SVIL: variants seen among roughly 807,000 people sequenced by gnomAD.
The protein encoded by SVIL is archvillin.
A neutral mutation model predicts 240.4 loss-of-function variants in SVIL; 101 were observed. The ratio of observed to expected loss-of-function variants is 0.42; its 90% CI spans 0.36 to 0.50. The LOEUF (loss-of-function observed/expected upper bound fraction) is 0.50, where lower values mean the gene tolerates loss of function less well. Ranked by LOEUF, SVIL falls within the 20% of genes least tolerant of loss-of-function variation. SVIL has a pLI of 0.01. For synonymous variants in SVIL, 999 were observed against 1,100.0 expected (o/e 0.91, Z 1.82); for missense variants, 2,512 against 2,818.7 (o/e 0.89, Z 2.46).
chr10:29,710,155 G>T (rs1963178307), intron 1 of SVIL, among the ~76,000 whole-genome samples: 1 of 151,736 alleles, frequency 6.6e-6, no homozygotes, highest in African/African-American at 2.4e-5. Flanking sequence ...CTGAGCTCAA[G>T]CAATCCTCCC....
At chr10:29,494,318 A>AT (rs1317464370) in intron 20 of SVIL, among the ~76,000 whole-genome samples, 3 of 152,198 alleles carry the variant, frequency 2.0e-5, no homozygotes, top group African/African-American at 7.2e-5. Context: ...CAGTTATTAT[A>AT]TTACACTTTT....
At chr10:29,479,878 G>T (rs1946638906) in intron 29 of SVIL, among the ~76,000 whole-genome samples, 1 of 152,142 alleles carries the variant, frequency 6.6e-6, no homozygotes, top group South Asian at 2.1e-4. Flanking sequence ...TGTGGAAAAG[G>T]CTCCTCCTTG....
At chr10:29,673,566 C>T (rs2133063217) in intron 2 of SVIL, among the ~76,000 whole-genome samples, 1 of 142,054 alleles carries the variant, frequency 7.0e-6, no homozygotes, top group African/African-American at 2.7e-5. Context: ...GCACGTCTTA[C>T]ATGGCATTAG....
intron 1 of SVIL, among the ~76,000 whole-genome samples, chr10:29,583,949 T>C (rs4749464): frequency 0.44 from 66,673 of 152,018 alleles, 14,924 homozygotes; most frequent in African/African-American, 0.52. Flanking sequence ...ATGAAAGTCC[T>C]CCCACCACAG....
intron 2 of SVIL, among the ~76,000 whole-genome samples, chr10:29,676,462 G>T (rs1161515191): frequency 1.3e-5 from 2 of 152,186 alleles, no homozygotes; most frequent in Non-Finnish European, 2.9e-5. Flanking sequence ...CTAGGTAAAT[G>T]CTAACCAGCT....
At chr10:29,548,038 G>C (rs985167870) in intron 6 of SVIL, among the ~76,000 whole-genome samples, 9 of 152,138 alleles carry the variant, frequency 5.9e-5, no homozygotes, top group African/African-American at 2.2e-4. Context: ...TACATTTCCA[G>C]TTAAAACTAA....
chr10:29,681,782 A>G (rs1183333437), intron 2 of SVIL, among the ~76,000 whole-genome samples: 4 of 152,152 alleles, frequency 2.6e-5, no homozygotes, highest in East Asian at 3.9e-4. Flanking sequence ...GCTACAAACC[A>G]CACTAGGCAC....
At chr10:29,590,304 A>G (rs149690783) in intron 1 of SVIL, among the ~76,000 whole-genome samples, 3 of 152,148 alleles carry the variant, frequency 2.0e-5, no homozygotes, top group East Asian at 1.9e-4. Context: ...AGGCTGCCCA[A>G]CAGGTTCCCA....
intron 1 of SVIL, among the ~76,000 whole-genome samples, chr10:29,604,303 A>G (rs1371886699): frequency 6.8e-6 from 1 of 146,658 alleles, no homozygotes; most frequent in Non-Finnish European, 1.5e-5. Context: ...GGGTTCAAGC[A>G]ATTCTCATGC....
At chr10:29,623,994 G>A (rs1268674917) in intron 1 of SVIL, among the ~76,000 whole-genome samples, 1 of 152,110 alleles carries the variant, frequency 6.6e-6, no homozygotes, top group Non-Finnish European at 1.5e-5. Context: ...GCAGAATGAC[G>A]AAATCACCCA....
intron 3 of SVIL, among the ~76,000 whole-genome samples, chr10:29,555,620 A>G (rs1373761032): frequency 1.3e-5 from 2 of 152,194 alleles, no homozygotes; most frequent in Non-Finnish European, 2.9e-5. Flanking sequence ...GGTAAGGCAG[A>G]AGGTTTTATT....
intron 1 of SVIL, among the ~76,000 whole-genome samples, chr10:29,619,464 A>C (rs980487523): frequency 6.6e-6 from 1 of 152,202 alleles, no homozygotes; most frequent in African/African-American, 2.4e-5. Context: ...CTTTGAAAAC[A>C]AAAGAGCTTT....
chr10:29,523,480 T>G lies in SVIL; in HGVS notation c.3134A>C (p.Asn1045Thr). 1 of 1,610,112 alleles carries G rather than the reference T, an allele frequency of 6.2e-7. No individual in the cohort carries two copies. The highest frequency in any genetic ancestry group is 8.5e-7 in the Non-Finnish European group (1 of 1,178,052). Reference sequence around the variant, plus strand: ...TAGTGAAAACTTCCTTTTCATAACATTCTCCACCTCCACCTTCTCTTCAAA... The same window carrying G: ...TAGTGAAAACTTCCTTTTCATAACAGTCTCCACCTCCACCTTCTCTTCAAA... Reference protein sequence around the residue: ...LPFEEKVEVENVMKRKFSLRA... With the variant: ...LPFEEKVEVETVMKRKFSLRA... Residue 1045 changes from asparagine to threonine, a missense_variant, in exon 15 of 38, where the codon AAT becomes ACT. Asn to Thr is a moderately conservative substitution (Grantham distance 65, BLOSUM62 0). This residue lies in a region of SVIL where 1,443 missense variants were observed against 1,486.6 expected (regional missense o/e 0.97). Transcript: ENST00000355867.
chr10:29,556,282 A>G lies in SVIL; in HGVS notation c.-50-1174T>C, dbSNP rs1953927216. The stretch of plus-strand genomic sequence containing the variant: ...ACTCAGAATGGGGTGGGAGAAAGAG[A>G]GAGGGGTGGCTGGACAGCCTGGGGC... On this transcript the variant is annotated intron_variant, in intron 3 of 37. Transcript: ENST00000355867. 2.0e-5 allele frequency among the ~76,000 whole-genome samples: 3 copies of G among 152,140 alleles called. No individual in the cohort carries two copies. In the South Asian group the frequency reaches 6.2e-4, roughly 32 times the overall value.
chr10:29,532,417 G>T lies in SVIL; in HGVS notation c.1838+112C>A, dbSNP rs999313359. The T allele has an allele frequency of 2.3e-5, 34 of 1,461,648 alleles. No individual in the cohort carries two copies. The South Asian group carries it at 3.0e-4, about 13-fold the overall frequency. The allele number at this position is 1,461,648 out of a possible 1,614,324, so 90.5% of individuals were successfully genotyped here. On this transcript the variant is annotated intron_variant, in intron 8 of 37. Coordinates refer to ENST00000355867, the MANE Select transcript of SVIL (RefSeq NM_021738.3). ...CCGCATAGTCGCCCTGCACGCACTT[G>T]TGAGCTAAGCTAATATGATTCAATG...
chr10:29,717,904 A>T (rs1435615354), intron 1 of SVIL, among the ~76,000 whole-genome samples: 4 of 152,230 alleles, frequency 2.6e-5, no homozygotes, highest in Non-Finnish European at 4.4e-5. Context: ...GCTATAACAT[A>T]CATATCAAAT....
In SVIL at chr10:29,524,646, C is replaced by G. The variant is rs200058288; in HGVS notation, c.2412G>C (p.Glu804Asp). 17 of 1,614,068 alleles carry G rather than the reference C, an allele frequency of 1.1e-5. No homozygotes were observed. In the Admixed American group the frequency reaches 2.5e-4, roughly 24 times the overall value. The change falls in exon 14 of 38, where the codon GAG becomes GAC. Residue 804 changes from glutamate (E) to aspartate (D), a missense_variant. By Grantham distance (45) the Glu-to-Asp change is conservative. Transcript: ENST00000355867. ...GAGTGGAGGAATCAGGTTCTCCTTG[C>G]TCAGCAAGCTCTTTGCCCTCATTTG... Reference protein sequence around the residue: ...DQTNEGKELAEQGEPDSSTLS... With the variant: ...DQTNEGKELADQGEPDSSTLS...
intron 1 of SVIL, among the ~76,000 whole-genome samples, chr10:29,716,673 A>G (rs911803697): frequency 1.3e-5 from 2 of 152,178 alleles, no homozygotes; most frequent in Non-Finnish European, 2.9e-5. Context: ...CAAAATAAGA[A>G]TGGCCAAAAA....
At position 29,523,532 on chromosome 10, in the gene SVIL, T is replaced by C. The variant is rs1950698344; in HGVS notation, c.3082A>G (p.Asn1028Asp). The stretch of plus-strand genomic sequence containing the variant: ...GGCAGCCTGTCCCTCAAGTCCAAGT[T>C]TCCTTGTGCATTCATTTTAGCCATG... ...FSMAKMNAQG[N>D]LDLRDRLPFE... The change falls in exon 15 of 38, where the codon AAC becomes GAC. Residue 1028 changes from asparagine (N) to aspartate (D), a missense_variant. By Grantham distance (23) the Asn-to-Asp change is conservative (BLOSUM62 1). This residue lies in a region of SVIL where 1,443 missense variants were observed against 1,486.6 expected (regional missense o/e 0.97). Transcript: ENST00000355867. 1 of 1,614,046 alleles carries C rather than the reference T, an allele frequency of 6.2e-7. No homozygotes were observed. The highest frequency in any genetic ancestry group is 8.5e-7 in the Non-Finnish European group (1 of 1,180,030).
Sources: gnomAD v4.1 joint callset for allele counts (sites outside exome capture counted in the v4.1 genomes callset) on GRCh38, gnomAD v4.1.1 for gene constraint, gnomAD v4.1.1 regional missense constraint, MANE v1.5 for transcripts, NCBI Gene and HGNC (gene_info 2026-07-23, HGNC 2026-07-21) for gene names.